ZFAND3: variants seen among roughly 807,000 people sequenced by gnomAD.
ZFAND3 encodes the protein AN1-type zinc finger protein 3.
ZFAND3 carries 10 observed loss-of-function variants against 29.6 expected under a neutral mutation model. The ratio of observed to expected loss-of-function variants is 0.34; its 90% CI spans 0.21 to 0.57. The LOEUF (loss-of-function observed/expected upper bound fraction) is 0.57. Ranked by LOEUF, ZFAND3 falls within the 20% of genes least tolerant of loss-of-function variation. ZFAND3 has a pLI of 0.86. For missense variants in ZFAND3, 230 were observed against 304.5 expected (o/e 0.76, Z 1.82); for synonymous variants, 128 against 112.6 (o/e 1.14, Z -0.87).
chr6:38,082,630 T>C (rs901231448), intron 4 of ZFAND3, among the ~76,000 whole-genome samples, 173 bp downstream of exon 4: 1 of 152,078 alleles, frequency 6.6e-6, no homozygotes, highest in East Asian at 1.9e-4. Flanking sequence ...AATGATGTTT[T>C]TGGGGAGTCA....
chr6:37,968,564 G>T (rs1762331799), intron 2 of ZFAND3, among the ~76,000 whole-genome samples: 2 of 152,098 alleles, frequency 1.3e-5, no homozygotes. Context: ...CTACGAGAGA[G>T]GCTTTAAATC....
At chr6:38,018,849 T>C (rs1475179619) in intron 2 of ZFAND3, among the ~76,000 whole-genome samples, 4 of 152,246 alleles carry the variant, frequency 2.6e-5, no homozygotes, top group Non-Finnish European at 4.4e-5. Context: ...ACTTTTCATT[T>C]TGATATTGCC....
intron 2 of ZFAND3, among the ~76,000 whole-genome samples, chr6:38,009,052 A>G (rs1010874773): frequency 6.6e-6 from 1 of 152,224 alleles, no homozygotes; most frequent in Non-Finnish European, 1.5e-5. Context: ...GACCTGTGTT[A>G]TCAGTAATAA....
At chr6:37,949,437 A>C (rs114905311) in intron 2 of ZFAND3, among the ~76,000 whole-genome samples, 9,702 of 152,140 alleles carry the variant, frequency 0.064, 433 homozygotes, top group Non-Finnish European at 0.093. Context: ...TCTCCCCACC[A>C]CCAAGCAGTG....
chr6:37,836,069 A>T (rs931339189), intron 1 of ZFAND3, among the ~76,000 whole-genome samples: 7 of 152,206 alleles, frequency 4.6e-5, no homozygotes, highest in African/African-American at 1.4e-4. Context: ...ATTTAGGGTG[A>T]CATGAGTGTG....
In ZFAND3 at chr6:37,876,184, T is replaced by C. The variant is rs73419439; in HGVS notation, c.72-53775T>C. On this transcript the variant is annotated intron_variant, in intron 1 of 5. Transcript: ENST00000287218. ...TTGGTTATTTTAAATTGAGTTAATA[T>C]TCTGATGGGGAGGGCACAGCAGAAA... Among the ~76,000 whole-genome samples, 218 of 152,354 alleles carry C rather than the reference T, an allele frequency of 1.4e-3. 1 individual carries two copies. Among genetic ancestry groups the C allele is most frequent in the African/African-American group, 4.4e-3 (181 of 41,580 alleles).
chr6:37,963,432 A>T (rs992278504), intron 2 of ZFAND3, among the ~76,000 whole-genome samples: 11 of 152,230 alleles, frequency 7.2e-5, no homozygotes, highest in African/African-American at 2.7e-4. Context: ...TCTTAACTAA[A>T]AAAGCAAGAG....
intron 1 of ZFAND3, among the ~76,000 whole-genome samples, chr6:37,871,443 G>T (rs182443249): frequency 2.6e-5 from 4 of 152,322 alleles, no homozygotes; most frequent in African/African-American, 7.2e-5. Flanking sequence ...AACTGTCTCA[G>T]ACTGGTGGAG....
intron 1 of ZFAND3, among the ~76,000 whole-genome samples, chr6:37,878,327 G>A (rs948148625): frequency 6.6e-6 from 1 of 152,202 alleles, no homozygotes; most frequent in Admixed American, 6.5e-5. Context: ...CTATGTGTGA[G>A]CCCTATCCTG....
intron 4 of ZFAND3, among the ~76,000 whole-genome samples, chr6:38,082,693 A>G (rs1287001809): frequency 1.3e-5 from 2 of 152,190 alleles, no homozygotes; most frequent in Non-Finnish European, 1.5e-5. Flanking sequence ...CAAAATATAC[A>G]TAATTTCTAA....
intron 3 of ZFAND3, 42 bp from the exon 4 acceptor site, chr6:38,082,350 A>T: frequency 6.4e-7 from 1 of 1,570,766 alleles, no homozygotes; most frequent in Non-Finnish European, 8.7e-7. Flanking sequence ...TGGGCATGTA[A>T]AGGATGTGTC....
At chr6:37,968,516 C>G (rs1762330331) in intron 2 of ZFAND3, among the ~76,000 whole-genome samples, 1 of 151,742 alleles carries the variant, frequency 6.6e-6, no homozygotes, top group Admixed American at 6.6e-5. Context: ...GTGTGCTGCT[C>G]CATGGGGAAA....
At chr6:37,917,263 T>C (rs1308086657) in intron 1 of ZFAND3, among the ~76,000 whole-genome samples, 1 of 152,180 alleles carries the variant, frequency 6.6e-6, no homozygotes, top group East Asian at 1.9e-4. Context: ...TATAGAATGT[T>C]AGCGGTCATT....
intron 1 of ZFAND3, among the ~76,000 whole-genome samples, chr6:37,905,328 A>G (rs561463200): frequency 6.6e-6 from 1 of 152,246 alleles, no homozygotes; most frequent in South Asian, 2.1e-4. Context: ...GGTGGGGCCT[A>G]GGAATCTGTG....
At chr6:37,869,117 A>T (rs1275547680) in intron 1 of ZFAND3, among the ~76,000 whole-genome samples, 1 of 152,142 alleles carries the variant, frequency 6.6e-6, no homozygotes, top group African/African-American at 2.4e-5. Flanking sequence ...AGTTCATTGT[A>T]TCGTTCATTT....
At chr6:38,042,933 G>A (rs1280419541) in intron 2 of ZFAND3, among the ~76,000 whole-genome samples, 1 of 152,052 alleles carries the variant, frequency 6.6e-6, no homozygotes, top group Non-Finnish European at 1.5e-5. Flanking sequence ...TCCTGCCAAG[G>A]ATGCCCAGGA....
chr6:38,139,244 A>G (rs557696107), intron 5 of ZFAND3, among the ~76,000 whole-genome samples: 1 of 152,306 alleles, frequency 6.6e-6, no homozygotes, highest in South Asian at 2.1e-4. Context: ...CAGTCTTTCT[A>G]TACCTAACCT....
At position 38,038,251 on chromosome 6, in the gene ZFAND3, A is replaced by T. The variant is rs560823363; in HGVS notation, c.113-23342A>T. On this transcript the variant is annotated intron_variant, in intron 2 of 5. Coordinates refer to ENST00000287218, the MANE Select transcript of ZFAND3 (RefSeq NM_021943.3). Reference sequence around the variant, plus strand: ...CTGTTAGAGAGCTTTGTTACCCTCTAGCATGTTGACGATACATTTTGCTTC... The same window carrying T: ...CTGTTAGAGAGCTTTGTTACCCTCTTGCATGTTGACGATACATTTTGCTTC... Among the ~76,000 whole-genome samples the T allele has an allele frequency of 2.0e-5, 3 of 152,304 alleles. No homozygotes were observed. In the South Asian group the frequency reaches 6.2e-4, roughly 32 times the overall value.
Position 37,959,849 on chromosome 6 carries a change from C to T in ZFAND3, c.112+29850C>T, listed in dbSNP as rs34450348. 2.0e-5 allele frequency among the ~76,000 whole-genome samples: 3 copies of T among 152,196 alleles called. No homozygotes were observed. In the East Asian group the frequency reaches 5.8e-4, roughly 29 times the overall value. ...CTGCTTTCTTCTTGAGAACACTTAT[C>T]ACCTAACCTGGGCCCATGAAACTTG... On this transcript the variant is annotated intron_variant, in intron 2 of 5. Transcript: ENST00000287218.
Sources: gnomAD v4.1 joint callset for allele counts (sites outside exome capture counted in the v4.1 genomes callset) on GRCh38, gnomAD v4.1.1 for gene constraint, MANE v1.5 for transcripts, NCBI Gene and HGNC (gene_info 2026-07-23, HGNC 2026-07-21) for gene names.